Variants in OR2A2 observed in about 807,000 individuals in gnomAD.
OR2A2 encodes the protein olfactory receptor family 2 subfamily A member 2, also known as olfactory receptor 2A2.
For missense variants in OR2A2, 380 were observed against 384.8 expected (o/e 0.99, Z 0.10); for synonymous variants, 163 against 154.8 (o/e 1.05, Z -0.40).
Position 144,110,414 on chromosome 7 carries a change from A to C in OR2A2, c.832A>C (p.Ser278Arg). ...GGAGAAAATGCTGTCCCTGTTTCAC[A>C]GTGTCTTTAATCCAATGCTGAACCC... ...EQEKMLSLFHSVFNPMLNPLI... is the reference protein window; with the variant it reads ...EQEKMLSLFHRVFNPMLNPLI... Residue 278 changes from serine (S) to arginine (R), a missense_variant, in exon 1 of 1, where the codon AGT becomes CGT. Coordinates refer to ENST00000408979, the MANE Select transcript of OR2A2 (RefSeq NM_001005480.2). 6.2e-7 allele frequency: 1 copy of C among 1,613,964 alleles called. No homozygotes were observed. Among genetic ancestry groups the C allele is most frequent in the African/African-American group, 1.3e-5 (1 of 75,060 alleles).
Position 144,110,206 on chromosome 7 carries a change from G to A in OR2A2, c.624G>A (p.Gly208=). 2 of 1,614,052 alleles carry A rather than the reference G, an allele frequency of 1.2e-6. No homozygotes were observed. Among genetic ancestry groups the A allele is most frequent in the Non-Finnish European group, 1.7e-6 (2 of 1,179,950 alleles). The change falls in exon 1 of 1, where the codon GGG becomes GGA. Residue 208 remains glycine, a synonymous_variant. Coordinates refer to ENST00000408979, the MANE Select transcript of OR2A2 (RefSeq NM_001005480.2). The stretch of plus-strand genomic sequence containing the variant: ...CTACCTGTGTGTTTGTCTTAGTCGG[G>A]CCTCTTTCCTTGATTCTGGTCTCCT... The part of the protein sequence containing the change: ...IFATCVFVLV[G]PLSLILVSYM...
chr7:144,109,956 T>A lies in OR2A2; in HGVS notation c.374T>A (p.Ile125Asn). 3.1e-6 allele frequency: 5 copies of A among 1,613,916 alleles called. No homozygotes were observed. The highest frequency in any genetic ancestry group is 4.2e-6 in the Non-Finnish European group (5 of 1,179,808). Residue 125 changes from isoleucine (I) to asparagine (N), a missense_variant, in exon 1 of 1, where the codon ATC becomes AAC. By Grantham distance (149) the Ile-to-Asn change is moderately radical. Transcript: ENST00000408979. ...VVMSYDRYVA[I>N]CHPFQYTVIM... is the part of the protein sequence containing the mutation. ...ATGTCCTATGATAGGTATGTGGCCA[T>A]CTGCCACCCTTTCCAGTACACTGTC...
At position 144,110,468 on chromosome 7, in the gene OR2A2, T is replaced by A. The variant is rs770883331; in HGVS notation, c.886T>A (p.Leu296Met). The A allele has an allele frequency of 4.3e-6, 7 of 1,613,806 alleles. No homozygotes were observed. In the African/African-American group the frequency reaches 9.3e-5, roughly 22 times the overall value. Residue 296 changes from leucine to methionine, a missense_variant, in exon 1 of 1, where the codon TTG (leucine) becomes ATG (methionine). By Grantham distance (15) the Leu-to-Met change is conservative (BLOSUM62 2). Coordinates refer to ENST00000408979, the MANE Select transcript of OR2A2 (RefSeq NM_001005480.2). ...GATCTACAGCCTGAGGAATGCTCAG[T>A]TGAAGGGCGCCCTCCACAGAGCACT... is the stretch of plus-strand genomic sequence containing the variant. ...PLIYSLRNAQ[L>M]KGALHRALQR...
chr7:144,110,158 G>C lies in OR2A2; in HGVS notation c.576G>C (p.Trp192Cys), dbSNP rs902680701. 46 of 1,613,906 alleles carry C rather than the reference G, an allele frequency of 2.9e-5. No individual in the cohort carries two copies. The highest frequency in any genetic ancestry group is 3.8e-5 in the Non-Finnish European group (45 of 1,179,854). Residue 192 changes from tryptophan (W) to cysteine (C), a missense_variant, in exon 1 of 1, where the codon TGG (tryptophan) becomes TGC (cysteine). Coordinates refer to ENST00000408979, the MANE Select transcript of OR2A2 (RefSeq NM_001005480.2). Reference protein sequence around the residue: ...SVLKLACADTWVNQVVIFATC... With the variant: ...SVLKLACADTCVNQVVIFATC... ...TCAAGCTGGCCTGTGCTGACACCTG[G>C]GTTAACCAAGTGGTCATATTTGCTA... is the stretch of plus-strand genomic sequence containing the variant.
Position 144,109,586 on chromosome 7 carries a change from G to C in OR2A2, c.4G>C (p.Glu2Gln). The C allele has an allele frequency of 6.2e-7, 1 of 1,606,964 alleles. No homozygotes were observed. The highest frequency in any genetic ancestry group is 8.5e-7 in the Non-Finnish European group (1 of 1,174,728). M[E>Q]GNQTWITDIT... ...TGTCTTTCTCTGCCACAAGAGCATG[G>C]AAGGCAACCAGACATGGATCACAGA... is the stretch of plus-strand genomic sequence containing the variant. The change falls in exon 1 of 1, where the codon GAA becomes CAA. Residue 2 changes from glutamate (E) to glutamine (Q), a missense_variant. Glu to Gln is a conservative substitution (Grantham distance 29, BLOSUM62 2). Coordinates refer to ENST00000408979, the MANE Select transcript of OR2A2 (RefSeq NM_001005480.2).
In OR2A2 at chr7:144,110,132, C is replaced by T. The variant is rs1043911058; in HGVS notation, c.550C>T (p.Leu184Phe). ...NHLFCEILSV[L>F]KLACADTWVN... ...CCTCTTCTGTGAAATTCTGTCTGTC[C>T]TCAAGCTGGCCTGTGCTGACACCTG... The change falls in exon 1 of 1, where the codon CTC (leucine) becomes TTC (phenylalanine). Residue 184 changes from leucine (L) to phenylalanine (F), a missense_variant. Transcript: ENST00000408979. 1.2e-6 allele frequency: 2 copies of T among 1,614,020 alleles called. No homozygotes were observed. Among genetic ancestry groups the T allele is most frequent in the South Asian group, 2.2e-5 (2 of 91,062 alleles).
chr7:144,109,799 G>A lies in OR2A2; in HGVS notation c.217G>A (p.Ala73Thr). ...CCTGGCCATCATTGACATGTCCTAT[G>A]CTTCCAACAATGTTCCCAAGATGTT... Reference protein sequence around the residue: ...SHLAIIDMSYASNNVPKMLAN... With the variant: ...SHLAIIDMSYTSNNVPKMLAN... Residue 73 changes from alanine (A) to threonine (T), a missense_variant, in exon 1 of 1, where the codon GCT (alanine) becomes ACT (threonine). Physicochemically the swap from Ala to Thr is moderately conservative, Grantham distance 58 (BLOSUM62 0). Transcript: ENST00000408979. The A allele has an allele frequency of 6.2e-7, 1 of 1,614,104 alleles. No individual in the cohort carries two copies. Among genetic ancestry groups the A allele is most frequent in the Non-Finnish European group, 8.5e-7 (1 of 1,179,974 alleles).
In OR2A2 at chr7:144,110,211, T is replaced by C. The variant is rs10252253; in HGVS notation, c.629T>C (p.Leu210Pro). 308,832 of 1,613,502 alleles carry C rather than the reference T, an allele frequency of 0.19. 33,792 individuals carry two copies. The highest frequency in any genetic ancestry group is 0.38 in the African/African-American group (28,664 of 74,920). The stretch of plus-strand genomic sequence containing the variant: ...TGTGTGTTTGTCTTAGTCGGGCCTC[T>C]TTCCTTGATTCTGGTCTCCTACATG... Reference protein sequence around the residue: ...ATCVFVLVGPLSLILVSYMHI... With the variant: ...ATCVFVLVGPPSLILVSYMHI... Residue 210 changes from leucine to proline, a missense_variant, in exon 1 of 1, where the codon CTT (leucine) becomes CCT (proline). Physicochemically the swap from Leu to Pro is moderately conservative, Grantham distance 98. Transcript: ENST00000408979.
chr7:144,109,877 C>T lies in OR2A2; in HGVS notation c.295C>T (p.Gln99Ter). 1 of 1,614,092 alleles carries T rather than the reference C, an allele frequency of 6.2e-7. No individual in the cohort carries two copies. Among genetic ancestry groups the T allele is most frequent in the Non-Finnish European group, 8.5e-7 (1 of 1,179,972 alleles). ...RTISFVPCIMQTFLYLAFAVT... is the reference protein window; with the variant it reads ...RTISFVPCIM Reference sequence around the variant, plus strand: ...CATCTCCTTTGTTCCATGCATAATGCAGACTTTTTTGTATTTGGCTTTTGC... The same window carrying T: ...CATCTCCTTTGTTCCATGCATAATGTAGACTTTTTTGTATTTGGCTTTTGC... Residue 99 changes from glutamine to a stop codon, truncating the protein, a stop_gained, in exon 1 of 1, where the codon CAG becomes TAG. Transcript: ENST00000408979. LOFTEE classifies it low-confidence loss of function (END_TRUNC).
Position 144,110,497 on chromosome 7 carries a change from G to A in OR2A2, c.915G>A (p.Gln305=), listed in dbSNP as rs762424002. 5.6e-6 allele frequency: 9 copies of A among 1,613,294 alleles called. No individual in the cohort carries two copies. The highest frequency in any genetic ancestry group is 1.3e-5 in the African/African-American group (1 of 74,934). ...QLKGALHRAL[Q]RKRSMRTVYG... ...AGGGCGCCCTCCACAGAGCACTCCA[G>A]AGGAAGAGGTCCATGAGAACGGTGT... Residue 305 remains glutamine (Q), a synonymous_variant, in exon 1 of 1, where the codon CAG becomes CAA. Transcript: ENST00000408979.
In OR2A2 at chr7:144,110,381, G is replaced by C; in HGVS notation, c.799G>C (p.Glu267Gln). Residue 267 changes from glutamate (E) to glutamine (Q), a missense_variant, in exon 1 of 1, where the codon GAG becomes CAG. Coordinates refer to ENST00000408979, the MANE Select transcript of OR2A2 (RefSeq NM_001005480.2). ...VYMVPDSNQREEQEKMLSLFH... is the reference protein window; with the variant it reads ...VYMVPDSNQRQEQEKMLSLFH... Reference sequence around the variant, plus strand: ...CATGGTCCCAGACTCTAATCAACGAGAGGAGCAGGAGAAAATGCTGTCCCT... The same window carrying C: ...CATGGTCCCAGACTCTAATCAACGACAGGAGCAGGAGAAAATGCTGTCCCT... The C allele has an allele frequency of 4.3e-6, 7 of 1,614,058 alleles. No homozygotes were observed. The highest frequency in any genetic ancestry group is 5.9e-6 in the Non-Finnish European group (7 of 1,179,940).
At position 144,110,115 on chromosome 7, in the gene OR2A2, G is replaced by A; in HGVS notation, c.533G>A (p.Cys178Tyr). 1 of 1,614,106 alleles carries A rather than the reference G, an allele frequency of 6.2e-7. No individual in the cohort carries two copies. The highest frequency in any genetic ancestry group is 8.5e-7 in the Non-Finnish European group (1 of 1,179,980). Residue 178 changes from cysteine (C) to tyrosine (Y), a missense_variant, in exon 1 of 1, where the codon TGT becomes TAT. By Grantham distance (194) the Cys-to-Tyr change is radical (BLOSUM62 -2). Transcript: ENST00000408979. ...CCCCGGGATGTGAACCACCTCTTCT[G>A]TGAAATTCTGTCTGTCCTCAAGCTG... ...CGPRDVNHLF[C>Y]EILSVLKLAC...
Position 144,109,980 on chromosome 7 carries a change from T to C in OR2A2, c.398T>C (p.Val133Ala). 3.7e-6 allele frequency: 6 copies of C among 1,614,082 alleles called. No homozygotes were observed. Among genetic ancestry groups the C allele is most frequent in the Non-Finnish European group, 5.1e-6 (6 of 1,179,980 alleles). Residue 133 changes from valine (V) to alanine (A), a missense_variant, in exon 1 of 1, where the codon GTC becomes GCC. Physicochemically the swap from Val to Ala is moderately conservative, Grantham distance 64. Transcript: ENST00000408979. Reference sequence around the variant, plus strand: ...ATCTGCCACCCTTTCCAGTACACTGTCATCATGAGCTGGAGAGTGTGCACG... The same window carrying C: ...ATCTGCCACCCTTTCCAGTACACTGCCATCATGAGCTGGAGAGTGTGCACG... ...VAICHPFQYT[V>A]IMSWRVCTIL... is the part of the protein sequence containing the mutation.
chr7:144,110,095 G>C lies in OR2A2; in HGVS notation c.513G>C (p.Arg171=), dbSNP rs766180316. ...LLLRLPFCGP[R]DVNHLFCEIL... ...TAAGGTTGCCCTTCTGTGGGCCCCG[G>C]GATGTGAACCACCTCTTCTGTGAAA... Residue 171 remains arginine (R), a synonymous_variant, in exon 1 of 1, where the codon CGG becomes CGC. Transcript: ENST00000408979. 4.3e-6 allele frequency: 7 copies of C among 1,613,898 alleles called. No individual in the cohort carries two copies. The Admixed American group carries it at 1.2e-4, about 27-fold the overall frequency.
rs200426639 is a variant in OR2A2, at chr7:144,110,007, T to A, written c.425T>A (p.Ile142Asn). The A allele has an allele frequency of 1.2e-4, 196 of 1,613,944 alleles. No individual in the cohort carries two copies. The highest frequency in any genetic ancestry group is 1.6e-4 in the Non-Finnish European group (184 of 1,179,982). ...ATCATGAGCTGGAGAGTGTGCACGATCCTGGTTCTCACGTCCTGGTCATGT... is the reference window on the plus strand; with the variant it reads ...ATCATGAGCTGGAGAGTGTGCACGAACCTGGTTCTCACGTCCTGGTCATGT... ...TVIMSWRVCT[I>N]LVLTSWSCGF... is the part of the protein sequence containing the mutation. The change falls in exon 1 of 1, where the codon ATC becomes AAC. Residue 142 changes from isoleucine to asparagine, a missense_variant. Ile to Asn is a moderately radical substitution (Grantham distance 149). Coordinates refer to ENST00000408979, the MANE Select transcript of OR2A2 (RefSeq NM_001005480.2).
chr7:144,110,289 C>T lies in OR2A2; in HGVS notation c.707C>T (p.Ala236Val), dbSNP rs1211311128. 15 of 1,613,556 alleles carry T rather than the reference C, an allele frequency of 9.3e-6. No individual in the cohort carries two copies. Among genetic ancestry groups the T allele is most frequent in the African/African-American group, 1.3e-5 (1 of 74,896 alleles). ...KIQTKEGRIK[A>V]FSTCSSHLCV... Reference sequence around the variant, plus strand: ...CAGACAAAGGAGGGCCGCATAAAGGCCTTCTCCACCTGCTCCTCCCACCTG... The same window carrying T: ...CAGACAAAGGAGGGCCGCATAAAGGTCTTCTCCACCTGCTCCTCCCACCTG... The change falls in exon 1 of 1, where the codon GCC (alanine) becomes GTC (valine). Residue 236 changes from alanine (A) to valine (V), a missense_variant. Transcript: ENST00000408979.
In OR2A2 at chr7:144,109,755, T is replaced by C. The variant is rs376114961; in HGVS notation, c.173T>C (p.Met58Thr). Residue 58 changes from methionine (M) to threonine (T), a missense_variant, in exon 1 of 1, where the codon ATG becomes ACG. Met to Thr is a moderately conservative substitution (Grantham distance 81). Coordinates refer to ENST00000408979, the MANE Select transcript of OR2A2 (RefSeq NM_001005480.2). The part of the protein sequence containing the change: ...ICLDSKLHTP[M>T]YFFLSHLAII... ...CTGGACTCTAAGCTTCACACACCCA[T>C]GTACTTCTTCCTCTCACACCTGGCC... The C allele has an allele frequency of 3.3e-5, 53 of 1,613,920 alleles. No homozygotes were observed. Among genetic ancestry groups the C allele is most frequent in the Admixed American group, 1.3e-4 (8 of 59,982 alleles).
chr7:144,110,034 G>T lies in OR2A2; in HGVS notation c.452G>T (p.Gly151Val), dbSNP rs1167150661. The T allele has an allele frequency of 2.5e-6, 4 of 1,613,844 alleles. No homozygotes were observed. The African/African-American group carries it at 5.3e-5, about 22-fold the overall frequency. Residue 151 changes from glycine (G) to valine (V), a missense_variant, in exon 1 of 1, where the codon GGG becomes GTG. Coordinates refer to ENST00000408979, the MANE Select transcript of OR2A2 (RefSeq NM_001005480.2). ...TILVLTSWSC[G>V]FALSLVHEIL... ...CTGGTTCTCACGTCCTGGTCATGTGGGTTTGCCCTGTCCCTGGTACATGAA... is the reference window on the plus strand; with the variant it reads ...CTGGTTCTCACGTCCTGGTCATGTGTGTTTGCCCTGTCCCTGGTACATGAA...
rs2051354971 is a variant in OR2A2, at chr7:144,109,909, A to C, written c.327A>C (p.Thr109=). The part of the protein sequence containing the change: ...QTFLYLAFAV[T]ECLILVVMSY... ...TTTTGTATTTGGCTTTTGCTGTTACAGAGTGCCTGATTTTGGTGGTGATGT... is the reference window on the plus strand; with the variant it reads ...TTTTGTATTTGGCTTTTGCTGTTACCGAGTGCCTGATTTTGGTGGTGATGT... The change falls in exon 1 of 1, where the codon ACA becomes ACC. Residue 109 remains threonine, a synonymous_variant. Coordinates refer to ENST00000408979, the MANE Select transcript of OR2A2 (RefSeq NM_001005480.2). 1 of 1,614,090 alleles carries C rather than the reference A, an allele frequency of 6.2e-7. No individual in the cohort carries two copies. The highest frequency in any genetic ancestry group is 8.5e-7 in the Non-Finnish European group (1 of 1,179,952).
Sources: allele counts gnomAD v4.1 joint callset, GRCh38; gene constraint gnomAD v4.1.1; transcripts MANE v1.5; gene names NCBI Gene and HGNC (gene_info 2026-07-23, HGNC 2026-07-21).